Variants in NSD3 observed in about 807,000 individuals in gnomAD.
NSD3 encodes nuclear receptor binding SET domain protein 3.
NSD3 carries 24 observed loss-of-function variants against 160.8 expected under a neutral mutation model. That is an observed-to-expected ratio of 0.15 (90% CI 0.11 to 0.21). The LOEUF (loss-of-function observed/expected upper bound fraction) is 0.21, where lower values mean the gene tolerates loss of function less well. Ranked by LOEUF, NSD3 falls within the 10% of genes least tolerant of loss-of-function variation. The pLI, the probability that NSD3 is intolerant of heterozygous loss-of-function variation, is 1.00. For synonymous variants in NSD3, 520 were observed against 600.0 expected (o/e 0.87, Z 1.95); for missense variants, 1,157 against 1,735.9 (o/e 0.67, Z 5.93).
At chr8:38,279,873 T>A (rs1440586467) in intron 20 of NSD3, 192 bp from the exon 21 acceptor site, 4 of 566,280 alleles carry the variant, frequency 7.1e-6, no homozygotes, top group Non-Finnish European at 1.2e-5. Flanking sequence ...CAAGTCAAAG[T>A]AATTAGGATA....
intron 7 of NSD3, among the ~76,000 whole-genome samples, chr8:38,324,579 T>TA (rs1809863685): frequency 6.6e-6 from 1 of 152,186 alleles, no homozygotes; most frequent in African/African-American, 2.4e-5. Context: ...GTCACTGTGA[T>TA]ATTGTGATAT....
chr8:38,309,778 TA>T (rs1809491344), intron 12 of NSD3, among the ~76,000 whole-genome samples: 1 of 152,230 alleles, frequency 6.6e-6, no homozygotes. Context: ...AAAGGGCAAA[TA>T]AAGATGCTTT....
At position 38,272,380 on chromosome 8, in the gene NSD3, A is replaced by C. The variant is rs1407538406; in HGVS notation, c.*3261T>G. On this transcript the variant is annotated 3_prime_UTR_variant, in exon 24 of 24. Coordinates refer to ENST00000317025, the MANE Select transcript of NSD3 (RefSeq NM_023034.2). ...AAAATAAAACCCACCTCACTCCTGT[A>C]TCTCTCCCTGATTAGACATTAAAGA... 4 of 152,234 alleles carry C rather than the reference A, an allele frequency of 2.6e-5. No homozygotes were observed. Among genetic ancestry groups the C allele is most frequent in the South Asian group, 2.1e-4 (1 of 4,828 alleles). 9.4% of individuals were successfully genotyped at this position (152,234 alleles called of 1,614,324 possible).
At position 38,357,095 on chromosome 8, in the gene NSD3, G is replaced by T. The variant is rs557447697; in HGVS notation, c.-44-8880C>A. ...GATCACACCACTGCACTCCAGCCTG[G>T]GTGACAAAGCAAGACACCATCTCAA... On this transcript the variant is annotated intron_variant, in intron 1 of 23. Coordinates refer to ENST00000317025, the MANE Select transcript of NSD3 (RefSeq NM_023034.2). Among the ~76,000 whole-genome samples the T allele has an allele frequency of 1.6e-3, 188 of 116,404 alleles. 1 individual carries two copies. Among genetic ancestry groups the T allele is most frequent in the Non-Finnish European group, 3.2e-3 (175 of 54,600 alleles). 76.4% of individuals were successfully genotyped at this position (116,404 alleles called of 152,430 possible).
At chr8:38,284,639 A>C (rs1037865515) in intron 19 of NSD3, among the ~76,000 whole-genome samples, 1 of 152,148 alleles carries the variant, frequency 6.6e-6, no homozygotes. Flanking sequence ...CACCTGCCTC[A>C]ACCTCCGAAA....
intron 12 of NSD3, among the ~76,000 whole-genome samples, chr8:38,308,481 C>G (rs1024820707): frequency 6.6e-6 from 1 of 152,106 alleles, no homozygotes; most frequent in South Asian, 2.1e-4. Flanking sequence ...GGAAGTTTGA[C>G]TTCACAGATT....
chr8:38,318,771 G>T lies in NSD3; in HGVS notation c.1855+124C>A. ...ACACACACGAACACTGGGGAATACTGCAATTTCACACTGAAGAGCAACAAC... is the reference window on the plus strand; with the variant it reads ...ACACACACGAACACTGGGGAATACTTCAATTTCACACTGAAGAGCAACAAC... On this transcript the variant is annotated intron_variant, in intron 9 of 23. Transcript: ENST00000317025. The surrounding 1 kb of genome is among the most constrained non-coding windows in gnomAD (Gnocchi z 5.3). The T allele has an allele frequency of 1.2e-6, 1 of 866,444 alleles. No homozygotes were observed. Among genetic ancestry groups the T allele is most frequent in the Non-Finnish European group, 1.9e-6 (1 of 528,986 alleles). 53.7% of individuals were successfully genotyped at this position (866,444 alleles called of 1,614,324 possible). A position where few individuals can be genotyped will look rare whatever the true frequency, so the allele number is the denominator to read the frequency against.
intron 10 of NSD3, 87 bp downstream of exon 10, chr8:38,315,825 T>A (rs1166931397): frequency 1.3e-6 from 2 of 1,526,354 alleles, no homozygotes; most frequent in African/African-American, 1.4e-5. Flanking sequence ...TGAGTATTTT[T>A]AAAATGTCCT....
At chr8:38,347,467 A>G in intron 2 of NSD3, 30 bp downstream of exon 2, 1 of 1,537,756 alleles carries the variant, frequency 6.5e-7, no homozygotes, top group Non-Finnish European at 8.7e-7. Flanking sequence ...GAAATATAAC[A>G]AAATTTTTCA....
chr8:38,293,918 G>A (rs1438692580), intron 16 of NSD3, among the ~76,000 whole-genome samples: 2 of 68,286 alleles, frequency 2.9e-5, no homozygotes, highest in African/African-American at 6.6e-5. Flanking sequence ...GTGAGACTCC[G>A]TCTCAAAAAA....
chr8:38,348,427 G>A (rs1239867093), intron 1 of NSD3, among the ~76,000 whole-genome samples: 1 of 152,130 alleles, frequency 6.6e-6, no homozygotes, highest in Non-Finnish European at 1.5e-5. Context: ...TGAAACTCCT[G>A]ATTACTTTCA....
chr8:38,314,613 A>G (rs1809613302), intron 12 of NSD3, 34 bp downstream of exon 12: 2 of 1,613,412 alleles, frequency 1.2e-6, no homozygotes, highest in African/African-American at 1.3e-5. Context: ...AATCCCATTC[A>G]TCTTTTCATG....
chr8:38,350,666 T>C (rs985036363), intron 1 of NSD3, among the ~76,000 whole-genome samples: 1 of 152,222 alleles, frequency 6.6e-6, no homozygotes, highest in East Asian at 1.9e-4. Flanking sequence ...AAGATTCTAA[T>C]TGAATAAATC....
At chr8:38,335,713 T>C (rs116157838) in intron 4 of NSD3, among the ~76,000 whole-genome samples, 1,895 of 152,320 alleles carry the variant, frequency 0.012, 30 homozygotes, top group African/African-American at 0.043. Flanking sequence ...AAATGATGAC[T>C]AGGTGAATTT....
intron 23 of NSD3, 98 bp downstream of exon 23, chr8:38,276,198 A>G: frequency 2.2e-6 from 3 of 1,356,772 alleles, no homozygotes; most frequent in South Asian, 2.6e-5. Flanking sequence ...TGTTTGTTCT[A>G]TTCAACATTT....
rs572818243 is a variant in NSD3 at position 38,272,652 on chromosome 8, T to G, written c.*2989A>C. The G allele has an allele frequency of 3.4e-4, 52 of 152,356 alleles. 1 individual carries two copies. Among genetic ancestry groups the G allele is most frequent in the African/African-American group, 1.2e-3 (49 of 41,576 alleles). The allele number at this position is 152,356 out of a possible 1,614,324, so 9.4% of individuals were successfully genotyped here. On this transcript the variant is annotated 3_prime_UTR_variant, in exon 24 of 24. Transcript: ENST00000317025. Reference sequence around the variant, plus strand: ...TATGTTCACTTCTTCCTTCAACAAATTAACATGTGGTTAAAAAAAATACCA... The same window carrying G: ...TATGTTCACTTCTTCCTTCAACAAAGTAACATGTGGTTAAAAAAAATACCA...
chr8:38,363,168 C>T (rs1811025793), intron 1 of NSD3, among the ~76,000 whole-genome samples: 1 of 152,220 alleles, frequency 6.6e-6, no homozygotes, highest in Admixed American at 6.5e-5. Flanking sequence ...ATCCCCATCC[C>T]CTAGTATGTG....
chr8:38,305,396 A>G lies in NSD3; in HGVS notation c.2292T>C (p.Arg764=), dbSNP rs1809371747. 6.2e-7 allele frequency: 1 copy of G among 1,614,072 alleles called. No homozygotes were observed. Among genetic ancestry groups the G allele is most frequent in the Non-Finnish European group, 8.5e-7 (1 of 1,180,046 alleles). Reference sequence around the variant, plus strand: ...ATTTCCCACAAGCACCAACAGAACAACGCTTCACATCTTTACCAGACACTT... The same window carrying G: ...ATTTCCCACAAGCACCAACAGAACAGCGCTTCACATCTTTACCAGACACTT... ...SCKVSGKDVK[R]CSVGACGKFY... Residue 764 remains arginine (R), a synonymous_variant, in exon 13 of 24, where the codon CGT becomes CGC. Coordinates refer to ENST00000317025, the MANE Select transcript of NSD3 (RefSeq NM_023034.2).
In NSD3 at chr8:38,270,880, C is replaced by T. The variant is rs1808445548; in HGVS notation, c.*4761G>A. On this transcript the variant is annotated 3_prime_UTR_variant, in exon 24 of 24. Coordinates refer to ENST00000317025, the MANE Select transcript of NSD3 (RefSeq NM_023034.2). ...GCTTCATACATACGTGCCACAAGCA[C>T]CCAAACTTGTCACTTATGCAATGGA... 6.6e-6 allele frequency: 1 copy of T among 152,174 alleles called. No homozygotes were observed. The highest frequency in any genetic ancestry group is 2.4e-5 in the African/African-American group (1 of 41,430). The allele number at this position is 152,174 out of a possible 1,614,324, so 9.4% of individuals were successfully genotyped here. A position where few individuals can be genotyped will look rare whatever the true frequency, so the allele number is the denominator to read the frequency against.
Sources: allele counts gnomAD v4.1 joint callset (sites outside exome capture counted in the v4.1 genomes callset), GRCh38; gene constraint gnomAD v4.1.1; non-coding constraint Gnocchi (gnomAD v3.1); transcripts MANE v1.5; gene names NCBI Gene and HGNC (gene_info 2026-07-23, HGNC 2026-07-21).